Variants in RBFOX1 observed in about 807,000 individuals in gnomAD.
The protein encoded by RBFOX1 is RNA binding fox-1 homolog 1.
In RBFOX1, 8 loss-of-function variants were observed where a neutral mutation model predicts 57.7. That is an observed-to-expected ratio of 0.14 (90% CI 0.08 to 0.25). RBFOX1 has a LOEUF of 0.25. Ranked by LOEUF, RBFOX1 falls within the 10% of genes least tolerant of loss-of-function variation. The pLI, the probability that RBFOX1 is intolerant of heterozygous loss-of-function variation, is 1.00. For synonymous variants in RBFOX1, 326 were observed against 222.4 expected (o/e 1.47, Z -4.15); for missense variants, 611 against 548.5 (o/e 1.11, Z -1.14).
chr16:7,412,212 C>T (rs1171163486), intron 4 of RBFOX1, among the ~76,000 whole-genome samples: 3 of 151,698 alleles, frequency 2.0e-5, no homozygotes, highest in Non-Finnish European at 4.4e-5. Flanking sequence ...CTGAGGAGTT[C>T]CAGACTAGCC....
intron 1 of RBFOX1, among the ~76,000 whole-genome samples, chr16:6,066,755 C>T (rs1358021938): frequency 1.3e-5 from 2 of 152,002 alleles, no homozygotes; most frequent in Admixed American, 6.6e-5. Context: ...GTGCCGGGTA[C>T]GATGTCAAGG....
At chr16:6,960,281 G>T (rs6500890) in intron 3 of RBFOX1, among the ~76,000 whole-genome samples, 2 of 151,386 alleles carry the variant, frequency 1.3e-5, no homozygotes, top group South Asian at 2.1e-4. Context: ...TCAGGCCTCA[G>T]ATCTTATAGA....
chr16:6,811,522 G>C (rs966980600), intron 3 of RBFOX1, among the ~76,000 whole-genome samples: 1 of 152,140 alleles, frequency 6.6e-6, no homozygotes, highest in African/African-American at 2.4e-5. Context: ...CTAGTCCTCA[G>C]ACCACAGTTA....
chr16:5,502,721 C>G lies in RBFOX1; in HGVS notation c.258+35467C>G, dbSNP rs115810380. Among the ~76,000 whole-genome samples the G allele has an allele frequency of 4.5e-3, 688 of 152,296 alleles. 9 individuals are homozygous for G. The highest frequency in any genetic ancestry group is 0.015 in the African/African-American group (625 of 41,570). ...ACAGAATCCTCTATTGAGTTATAGT[C>G]TGTCTGCAGATGTCTGCAGAGTCTG... On this transcript the variant is annotated intron_variant, in intron 2 of 2. Coordinates refer to the RBFOX1 transcript ENST00000585867.
rs79240650 is a variant in RBFOX1 at position 6,726,624 on chromosome 16, C to T, written c.-16+71974C>T. On this transcript the variant is annotated intron_variant, in intron 3 of 15. Coordinates refer to ENST00000550418, the MANE Select transcript of RBFOX1 (RefSeq NM_018723.4). ...GGTCATATTCTATCAGTTCAGCAAACACTATGATTTCAAACAGGTGTGCAT... is the reference window on the plus strand; with the variant it reads ...GGTCATATTCTATCAGTTCAGCAAATACTATGATTTCAAACAGGTGTGCAT... Among the ~76,000 whole-genome samples, 768 of 152,226 alleles carry T rather than the reference C, an allele frequency of 5.0e-3. 8 individuals carry two copies. The highest frequency in any genetic ancestry group is 0.018 in the African/African-American group (727 of 41,538).
chr16:7,397,075 A>C (rs2098152518), intron 4 of RBFOX1, among the ~76,000 whole-genome samples: 1 of 152,228 alleles, frequency 6.6e-6, no homozygotes, highest in Non-Finnish European at 1.5e-5. Context: ...AAAACTTAGC[A>C]CATGAAAAAT....
chr16:6,894,633 T>C (rs9939117), intron 3 of RBFOX1, among the ~76,000 whole-genome samples: 3,071 of 152,272 alleles, frequency 0.02, 105 homozygotes, highest in African/African-American at 0.069. Flanking sequence ...AACTGACACT[T>C]TCTCTCACTT....
intron 1 of RBFOX1, among the ~76,000 whole-genome samples, chr16:6,035,398 C>T (rs1476520226): frequency 1.1e-4 from 17 of 152,194 alleles, no homozygotes; most frequent in Admixed American, 7.9e-4. Flanking sequence ...AGAAACAAGA[C>T]GGTATTACTC....
intron 4 of RBFOX1, among the ~76,000 whole-genome samples, chr16:5,935,361 G>A (rs1567165421): frequency 6.6e-6 from 1 of 152,190 alleles, no homozygotes; most frequent in South Asian, 2.1e-4. Context: ...GCAGAGGGTG[G>A]AAGGAGGACC....
rs547023401 is a variant in RBFOX1, at chr16:6,328,924, A to G, written c.-64+11867A>G. On this transcript the variant is annotated intron_variant, in intron 2 of 15. Transcript: ENST00000550418. The stretch of plus-strand genomic sequence containing the variant: ...AGAAGAGAGAAAATGAAAGACAAGG[A>G]TCCAACCAACAAGTGGGTGGGAATC... Among the ~76,000 whole-genome samples, 5 of 152,252 alleles carry G rather than the reference A, an allele frequency of 3.3e-5. No individual in the cohort carries two copies. The East Asian group carries it at 7.8e-4, about 24-fold the overall frequency.
At chr16:5,937,538 A>G (rs539200723) in intron 4 of RBFOX1, among the ~76,000 whole-genome samples, 2 of 151,878 alleles carry the variant, frequency 1.3e-5, no homozygotes, top group African/African-American at 4.8e-5. Flanking sequence ...ATATAGTTAC[A>G]TATTTATATA....
chr16:7,546,143 A>G (rs948742226), intron 5 of RBFOX1, among the ~76,000 whole-genome samples: 1 of 151,846 alleles, frequency 6.6e-6, no homozygotes. Context: ...CCTGGCCAAC[A>G]TGGTGAAACC....
In RBFOX1 at chr16:6,095,976, C is replaced by T. The variant is rs138241415; in HGVS notation, c.-127+75984C>T. 4.1e-4 allele frequency among the ~76,000 whole-genome samples: 62 copies of T among 152,314 alleles called. No individual in the cohort carries two copies. The East Asian group carries it at 0.01, about 25-fold the overall frequency. ...GCCCAGATCTCAGCCACCCAGGCCA[C>T]GATGGGGAAGAGCCTGGCCTGCCCC... On this transcript the variant is annotated intron_variant, in intron 1 of 15. Transcript: ENST00000550418.
At chr16:6,958,628 A>G (rs1238893267) in intron 3 of RBFOX1, among the ~76,000 whole-genome samples, 1 of 152,180 alleles carries the variant, frequency 6.6e-6, no homozygotes, top group Non-Finnish European at 1.5e-5. Flanking sequence ...TAGGGATGTG[A>G]TGCTATTGGC....
intron 5 of RBFOX1, among the ~76,000 whole-genome samples, chr16:7,573,761 G>A (rs913552205): frequency 6.6e-6 from 1 of 151,912 alleles, no homozygotes; most frequent in Admixed American, 6.6e-5. Flanking sequence ...CTTGAACCCG[G>A]GAGGCAGAGG....
chr16:6,649,089 C>G (rs1035764339), intron 2 of RBFOX1, among the ~76,000 whole-genome samples: 1 of 152,116 alleles, frequency 6.6e-6, no homozygotes. Context: ...TCTTTAGGCC[C>G]AGATCTCCCC....
intron 1 of RBFOX1, among the ~76,000 whole-genome samples, chr16:6,181,804 G>T (rs143191617): frequency 6.6e-6 from 1 of 152,100 alleles, no homozygotes; most frequent in Non-Finnish European, 1.5e-5. Flanking sequence ...CAGTGATGCC[G>T]TATAATTAAG....
intron 2 of RBFOX1, among the ~76,000 whole-genome samples, chr16:6,395,165 T>C (rs1446779267): frequency 1.3e-5 from 2 of 152,250 alleles, no homozygotes; most frequent in African/African-American, 4.8e-5. Context: ...TGGAAATGAA[T>C]TATTGTCTAA....
chr16:6,353,755 G>A (rs562306069), intron 2 of RBFOX1, among the ~76,000 whole-genome samples: 6 of 152,086 alleles, frequency 3.9e-5, no homozygotes, highest in African/African-American at 7.2e-5. Context: ...TCATGCAAGC[G>A]AACGGTGAGT....
Sources: gnomAD v4.1 joint callset for allele counts (sites outside exome capture counted in the v4.1 genomes callset) on GRCh38, gnomAD v4.1.1 for gene constraint, MANE v1.5 for transcripts, NCBI Gene and HGNC (gene_info 2026-07-23, HGNC 2026-07-21) for gene names.